The following DCAKD variants were observed in gnomAD, a reference collection of about 807,000 sequenced individuals.
DCAKD encodes the protein dephospho-CoA kinase domain containing, also known as dephospho-CoA kinase domain-containing protein.
A neutral mutation model predicts 18.7 loss-of-function variants in DCAKD; 15 were observed. The observed-to-expected ratio is 0.80, with a 90% CI of 0.54 to 1.24. DCAKD has a LOEUF of 1.24. Among genes scored for constraint, DCAKD ranks in the 50% most tolerant of loss-of-function variants. The pLI is 0.00. For missense variants in DCAKD, 301 were observed against 322.0 expected (o/e 0.93, Z 0.50); for synonymous variants, 130 against 133.0 (o/e 0.98, Z 0.16).
At chr17:45,041,534 T>C (rs1301265252) in intron 1 of DCAKD, among the ~76,000 whole-genome samples, 1 of 151,588 alleles carries the variant, frequency 6.6e-6, no homozygotes, top group Non-Finnish European at 1.5e-5. Flanking sequence ...ATGGTCTCAA[T>C]CTCCTGACCT....
intron 3 of DCAKD, chr17:45,030,928 C>A: frequency 1.0e-5 from 10 of 972,218 alleles, no homozygotes; most frequent in Non-Finnish European, 1.2e-5. Context: ...CAGTCAAGGG[C>A]AGCACCCCCA....
At chr17:45,058,341 C>A (rs1332860653) in intron 1 of DCAKD, among the ~76,000 whole-genome samples, 1 of 151,986 alleles carries the variant, frequency 6.6e-6, no homozygotes, top group Non-Finnish European at 1.5e-5. Context: ...AAATAACACA[C>A]AAAATATCTT....
chr17:45,034,412 G>A, intron 2 of DCAKD, 22 bp from the exon 3 acceptor site: 2 of 1,612,644 alleles, frequency 1.2e-6, no homozygotes, highest in Non-Finnish European at 1.7e-6. Flanking sequence ...GGAAGAAGCT[G>A]GGTCACTCCC....
intron 1 of DCAKD, among the ~76,000 whole-genome samples, chr17:45,057,825 AC>A (rs2143419868): frequency 6.6e-6 from 1 of 151,976 alleles, no homozygotes; most frequent in Admixed American, 6.6e-5. Context: ...AGCCTGGCCA[AC>A]GTGGTGAAAC....
At chr17:45,043,849 C>CG (rs913057253) in intron 1 of DCAKD, among the ~76,000 whole-genome samples, 3 of 152,012 alleles carry the variant, frequency 2.0e-5, no homozygotes, top group Non-Finnish European at 4.4e-5. Context: ...CCAAAAGCCT[C>CG]GGAATCCTCC....
rs992665427 is a variant in DCAKD, at chr17:45,023,861, C to G, written c.*572G>C. The G allele has an allele frequency of 5.9e-5, 9 of 152,852 alleles. No individual in the cohort carries two copies. Among genetic ancestry groups the G allele is most frequent in the African/African-American group, 2.2e-4 (9 of 41,452 alleles). The allele number at this position is 152,852 out of a possible 1,614,324, so 9.5% of individuals were successfully genotyped here. On this transcript the variant is annotated 3_prime_UTR_variant, in exon 5 of 5. Transcript: ENST00000651974. Reference sequence around the variant, plus strand: ...GCTACAGCGTTACCCACGAGAGAATCCTTGCTGCTTGCTGGCAGCAAGCCA... The same window carrying G: ...GCTACAGCGTTACCCACGAGAGAATGCTTGCTGCTTGCTGGCAGCAAGCCA...
chr17:45,026,688 A>G (rs2053062969), intron 4 of DCAKD: 1 of 985,320 alleles, frequency 1.0e-6, no homozygotes. Context: ...GCCACTTGCC[A>G]TGAAAATGAA....
At chr17:45,034,154 G>GC in intron 3 of DCAKD, 33 bp downstream of exon 3, 1 of 1,612,902 alleles carries the variant, frequency 6.2e-7, no homozygotes. Flanking sequence ...CTGGAAGGAG[G>GC]CCCCGCCCCC....
intron 1 of DCAKD, among the ~76,000 whole-genome samples, chr17:45,044,894 C>T (rs531378717): frequency 1.3e-5 from 2 of 152,256 alleles, no homozygotes; most frequent in African/African-American, 4.8e-5. Flanking sequence ...GAGTGGGCTG[C>T]ACCACTGCTC....
chr17:45,034,634 C>T (rs937490276), intron 2 of DCAKD, 140 bp downstream of exon 2: 21 of 998,570 alleles, frequency 2.1e-5, no homozygotes, highest in African/African-American at 1.5e-4. Context: ...AAGGCAAGCA[C>T]GGGGCAGAGA....
intron 3 of DCAKD, among the ~76,000 whole-genome samples, chr17:45,030,393 G>A (rs2053151525): frequency 6.6e-6 from 1 of 152,212 alleles, no homozygotes; most frequent in African/African-American, 2.4e-5. Context: ...CCTTGTAGAA[G>A]GGCTGGCACT....
intron 1 of DCAKD, among the ~76,000 whole-genome samples, chr17:45,047,405 C>T (rs2053593436): frequency 6.6e-6 from 1 of 151,990 alleles, no homozygotes; most frequent in South Asian, 2.1e-4. Context: ...ACTTCAGCCT[C>T]CCAAGTAGCT....
rs200803823 is a variant in DCAKD at position 45,034,251 on chromosome 17, G to A, written c.252C>T (p.Asn84=). 54 of 1,614,036 alleles carry A rather than the reference G, an allele frequency of 3.3e-5. No homozygotes were observed. Among genetic ancestry groups the A allele is most frequent in the East Asian group, 2.0e-4 (9 of 44,896 alleles). The change falls in exon 3 of 5, where the codon AAC becomes AAT. Residue 84 remains asparagine (N), a synonymous_variant. Coordinates refer to ENST00000651974, the MANE Select transcript of DCAKD (RefSeq NM_001288655.2). ...TGCGAATCTCGGGGTGGGTGATGGC[G>A]TTGAGCAGCTGCCGCCGGTCAGGCT... ...FNQPDRRQLL[N]AITHPEIRKE...
At chr17:45,037,579 C>T (rs1421114676) in intron 1 of DCAKD, among the ~76,000 whole-genome samples, 2 of 151,756 alleles carry the variant, frequency 1.3e-5, no homozygotes, top group Admixed American at 6.6e-5. Context: ...CTGCCTCAGA[C>T]TCCCAAGTAG....
intron 1 of DCAKD, among the ~76,000 whole-genome samples, chr17:45,058,357 C>A (rs563079235): frequency 6.6e-6 from 1 of 151,996 alleles, no homozygotes; most frequent in East Asian, 1.9e-4. Flanking sequence ...ATCTTTTTAT[C>A]TTTTATTTTA....
intron 1 of DCAKD, among the ~76,000 whole-genome samples, chr17:45,049,713 CTTT>C (rs57106886): frequency 2.5e-4 from 28 of 111,886 alleles, no homozygotes; most frequent in South Asian, 6.0e-4. Flanking sequence ...TTTTCTTTTC[CTTT>C]TTTTTTTTTT....
chr17:45,057,608 CAGG>C (rs2053796377), intron 1 of DCAKD, among the ~76,000 whole-genome samples: 1 of 149,972 alleles, frequency 6.7e-6, no homozygotes. Context: ...GAGGTTGAGG[CAGG>C]AGAACTGCTG....
At chr17:45,039,264 A>G (rs1365690453) in intron 1 of DCAKD, among the ~76,000 whole-genome samples, 1 of 152,166 alleles carries the variant, frequency 6.6e-6, no homozygotes, top group East Asian at 1.9e-4. Flanking sequence ...CCACATGAAC[A>G]AACGACCACC....
intron 1 of DCAKD, among the ~76,000 whole-genome samples, chr17:45,044,155 G>C (rs1002258584): frequency 6.6e-6 from 1 of 152,230 alleles, no homozygotes; most frequent in Admixed American, 6.5e-5. Context: ...AGTCCATGGA[G>C]AGTCCTACAG....
Sources: allele counts gnomAD v4.1 joint callset (sites outside exome capture counted in the v4.1 genomes callset), GRCh38; gene constraint gnomAD v4.1.1; transcripts MANE v1.5; gene names NCBI Gene and HGNC (gene_info 2026-07-23, HGNC 2026-07-21).